Variants in CPA6 observed in about 807,000 individuals in gnomAD.
The protein encoded by CPA6 is carboxypeptidase B.
In CPA6, 58 loss-of-function variants were observed where a neutral mutation model predicts 63.3. That is an observed-to-expected ratio of 0.92 (90% CI 0.74 to 1.14). The LOEUF (loss-of-function observed/expected upper bound fraction) is 1.14, where lower values mean the gene tolerates loss of function less well. Ranked by LOEUF, CPA6 falls within the 50% of genes most tolerant of loss-of-function variation. The pLI is 0.00. For synonymous variants in CPA6, 185 were observed against 179.0 expected (o/e 1.03, Z -0.27); for missense variants, 565 against 526.6 (o/e 1.07, Z -0.71).
intron 2 of CPA6, among the ~76,000 whole-genome samples, chr8:67,581,947 A>G (rs1813783720): frequency 1.3e-5 from 2 of 152,166 alleles, no homozygotes; most frequent in South Asian, 2.1e-4. Flanking sequence ...GGGGTTGGCT[A>G]AAGTGTAGTT....
At chr8:67,518,082 A>T in intron 2 of CPA6, 35 bp from the exon 3 acceptor site, 3 of 1,499,458 alleles carry the variant, frequency 2.0e-6, no homozygotes, top group East Asian at 2.4e-5. Context: ...ATTCATATCC[A>T]ACGTAGGGGG....
intron 2 of CPA6, among the ~76,000 whole-genome samples, chr8:67,520,750 A>G (rs1034290320): frequency 6.6e-6 from 1 of 152,256 alleles, no homozygotes; most frequent in African/African-American, 2.4e-5. Context: ...AAGGTTGCAC[A>G]GGTACAAAAT....
At chr8:67,646,230 T>G (rs1287356806) in intron 1 of CPA6, among the ~76,000 whole-genome samples, 1 of 152,214 alleles carries the variant, frequency 6.6e-6, no homozygotes, top group African/African-American at 2.4e-5. Context: ...CTCTACCAAC[T>G]CTCAGAAAAG....
intron 8 of CPA6, among the ~76,000 whole-genome samples, chr8:67,468,516 G>T (rs1052490164): frequency 2.0e-5 from 3 of 151,650 alleles, no homozygotes; most frequent in Admixed American, 2.0e-4. Flanking sequence ...AACCTGGGAG[G>T]TGAAAGTTGC....
intron 1 of CPA6, among the ~76,000 whole-genome samples, chr8:67,745,337 A>G (rs1234541732): frequency 6.6e-6 from 1 of 152,230 alleles, no homozygotes. Flanking sequence ...TCAGGATAAT[A>G]AGAATGTGCA....
chr8:67,437,690 G>A (rs185406341), intron 8 of CPA6, among the ~76,000 whole-genome samples: 13 of 152,264 alleles, frequency 8.5e-5, no homozygotes, highest in African/African-American at 2.9e-4. Flanking sequence ...TTAATTCAGG[G>A]TTGAATGAAT....
At chr8:67,689,924 C>T (rs1816782389) in intron 1 of CPA6, among the ~76,000 whole-genome samples, 1 of 152,194 alleles carries the variant, frequency 6.6e-6, no homozygotes, top group South Asian at 2.1e-4. Flanking sequence ...TCTCTACAGC[C>T]TTGCCAACAT....
At chr8:67,494,993 T>C (rs991338289) in intron 6 of CPA6, among the ~76,000 whole-genome samples, 3 of 152,214 alleles carry the variant, frequency 2.0e-5, no homozygotes, top group Admixed American at 2.0e-4. Context: ...TGAGAATCCA[T>C]GAGTTGGATA....
chr8:67,670,702 C>T (rs1816324447), intron 1 of CPA6, among the ~76,000 whole-genome samples: 1 of 152,158 alleles, frequency 6.6e-6, no homozygotes, highest in African/African-American at 2.4e-5. Flanking sequence ...TATCTATTAA[C>T]AGTCGGGCCT....
intron 5 of CPA6, among the ~76,000 whole-genome samples, chr8:67,507,621 G>A (rs1811957336): frequency 1.3e-5 from 2 of 152,094 alleles, no homozygotes; most frequent in Admixed American, 1.3e-4. Flanking sequence ...ATCGTGCTCA[G>A]TACTGGAGAT....
chr8:67,439,042 C>A (rs1458441652), intron 8 of CPA6, among the ~76,000 whole-genome samples: 1 of 152,162 alleles, frequency 6.6e-6, no homozygotes, highest in Non-Finnish European at 1.5e-5. Flanking sequence ...CACCTATAAT[C>A]CCAGCACTTT....
chr8:67,625,906 C>G (rs443841), intron 1 of CPA6, among the ~76,000 whole-genome samples: 1 of 151,928 alleles, frequency 6.6e-6, no homozygotes. Flanking sequence ...AATCTCATGT[C>G]AAATTGGAGG....
At chr8:67,542,435 T>C (rs879542066) in intron 2 of CPA6, among the ~76,000 whole-genome samples, 3 of 152,184 alleles carry the variant, frequency 2.0e-5, no homozygotes, top group Non-Finnish European at 4.4e-5. Flanking sequence ...AAAATTCACT[T>C]ATTTGGCTGC....
chr8:67,705,358 G>A (rs889203629), intron 1 of CPA6, among the ~76,000 whole-genome samples: 1 of 152,178 alleles, frequency 6.6e-6, no homozygotes, highest in Non-Finnish European at 1.5e-5. Context: ...CAACTCTGGA[G>A]GTGGCAAGTA....
At chr8:67,639,233 G>T (rs1360150102) in intron 1 of CPA6, among the ~76,000 whole-genome samples, 2 of 151,590 alleles carry the variant, frequency 1.3e-5, no homozygotes, top group Non-Finnish European at 2.9e-5. Flanking sequence ...TTCTTGGGGT[G>T]TTGCTTCACC....
At chr8:67,644,597 A>C (rs1815674520) in intron 1 of CPA6, among the ~76,000 whole-genome samples, 1 of 152,182 alleles carries the variant, frequency 6.6e-6, no homozygotes, top group South Asian at 2.1e-4. Flanking sequence ...TTGCTGTTAG[A>C]TATACATTCA....
chr8:67,560,160 G>GAGATATATATATATATATATATATATAT, intron 2 of CPA6, among the ~76,000 whole-genome samples: 1 of 139,998 alleles, frequency 7.1e-6, no homozygotes, highest in Non-Finnish European at 1.5e-5. Context: ...TGTATTTCCG[G>GAGATATATATATATATATATATATATAT]ATATATATAT....
chr8:67,423,060 T>C (rs565373072), intron 10 of CPA6, among the ~76,000 whole-genome samples: 2 of 152,300 alleles, frequency 1.3e-5, no homozygotes, highest in African/African-American at 4.8e-5. Context: ...CTTCAGTGTC[T>C]AGAATATTGA....
intron 2 of CPA6, among the ~76,000 whole-genome samples, chr8:67,604,774 C>G (rs575752636): frequency 1.3e-5 from 2 of 149,176 alleles, no homozygotes; most frequent in African/African-American, 5.2e-5. Context: ...ATCAACTTTG[C>G]GTTTTGTTTG....
Sources: allele counts gnomAD v4.1 joint callset (sites outside exome capture counted in the v4.1 genomes callset), GRCh38; gene constraint gnomAD v4.1.1; transcripts MANE v1.5; gene names NCBI Gene and HGNC (gene_info 2026-07-23, HGNC 2026-07-21).